Variants in ADAMTS9 observed in about 807,000 individuals in gnomAD.
ADAMTS9 encodes A disintegrin and metalloproteinase with thrombospondin motifs 9.
Under a neutral mutation model 257.1 loss-of-function variants are expected in ADAMTS9, and 107 were observed. The ratio of observed to expected loss-of-function variants is 0.42; its 90% CI spans 0.36 to 0.49. The LOEUF (loss-of-function observed/expected upper bound fraction) is 0.49, where lower values mean the gene tolerates loss of function less well. Ranked by LOEUF, ADAMTS9 falls within the 20% of genes least tolerant of loss-of-function variation. ADAMTS9 has a pLI of 0.03. For missense variants in ADAMTS9, 2,353 were observed against 2,469.1 expected, an observed-to-expected ratio of 0.95 and a Z score of 1.00; for synonymous variants, 982 against 880.9, an observed-to-expected ratio of 1.11 and a Z score of -2.03.
intron 11 of ADAMTS9, among the ~76,000 whole-genome samples, chr3:64,643,445 A>ATTTTTTTTTTTTTTGTTTT (rs1700707571): frequency 1.6e-5 from 1 of 61,406 alleles, no homozygotes; most frequent in Non-Finnish European, 2.9e-5. Flanking sequence ...TTACTCAATA[A>ATTTTTTTTTTTTTTGTTTT]TTTTTTTTTT....
chr3:64,608,415 C>T lies in ADAMTS9; in HGVS notation c.3355-1336G>A, dbSNP rs186700956. ...AAAATTGATAAACCTTTAGCTAGCA[C>T]GACTAAGAAAAAATGAGAAAAGACT... On this transcript the variant is annotated intron_variant, in intron 22 of 39. Transcript: ENST00000498707. Among the ~76,000 whole-genome samples the T allele has an allele frequency of 2.3e-3, 345 of 151,726 alleles. 4 individuals are homozygous for T. Among genetic ancestry groups the T allele is most frequent in the Non-Finnish European group, 3.3e-3 (227 of 67,854 alleles).
At chr3:64,674,380 T>C (rs148310700) in intron 3 of ADAMTS9, among the ~76,000 whole-genome samples, 3 of 152,326 alleles carry the variant, frequency 2.0e-5, no homozygotes, top group East Asian at 3.9e-4. Flanking sequence ...TAAAAATTCA[T>C]AATCAGTCTT....
rs773954306 is a variant in ADAMTS9, at chr3:64,607,081, T to C, written c.3355-2A>G. Reference sequence around the variant, plus strand: ...TCCCTGTCCACAAGTGACACTGCACTGGAAGAAGGAGGACAAAAGGTATAT... The same window carrying C: ...TCCCTGTCCACAAGTGACACTGCACCGGAAGAAGGAGGACAAAAGGTATAT... On this transcript the variant is annotated splice_acceptor_variant, in intron 22 of 39. Transcript: ENST00000498707. LOFTEE classifies it high-confidence loss of function. The C allele has an allele frequency of 6.2e-7, 1 of 1,613,570 alleles. No individual in the cohort carries two copies. The highest frequency in any genetic ancestry group is 2.2e-5 in the East Asian group (1 of 44,860).
intron 31 of ADAMTS9, among the ~76,000 whole-genome samples, chr3:64,549,206 G>T (rs1369365612): frequency 6.6e-6 from 1 of 152,138 alleles, no homozygotes; most frequent in Non-Finnish European, 1.5e-5. Flanking sequence ...TAAATTTGCA[G>T]ACTTTTCAAT....
Position 64,658,557 on chromosome 3 carries a change from A to G in ADAMTS9, c.914T>C (p.Met305Thr). 1 of 1,614,160 alleles carries G rather than the reference A, an allele frequency of 6.2e-7. No individual in the cohort carries two copies. Among genetic ancestry groups the G allele is most frequent in the Admixed American group, 1.7e-5 (1 of 60,022 alleles). ...AAGGTTTTCTCCATGGTATGAAACC[A>G]TTCTGTTGTCTGCCACCACCAAGAC... Reference protein sequence around the residue: ...VEVLVVADNRMVSYHGENLQH... With the variant: ...VEVLVVADNRTVSYHGENLQH... Residue 305 changes from methionine (M) to threonine (T), a missense_variant, in exon 4 of 40, where the codon ATG becomes ACG. Coordinates refer to ENST00000498707, the MANE Select transcript of ADAMTS9 (RefSeq NM_182920.2).
At chr3:64,676,338 G>A (rs1404162389) in intron 3 of ADAMTS9, among the ~76,000 whole-genome samples, 2 of 152,058 alleles carry the variant, frequency 1.3e-5, no homozygotes, top group Non-Finnish European at 2.9e-5. Context: ...CATTTTATCT[G>A]TATTTTCTGA....
intron 14 of ADAMTS9, among the ~76,000 whole-genome samples, chr3:64,632,879 C>T (rs1700403850): frequency 6.6e-6 from 1 of 151,904 alleles, no homozygotes; most frequent in Non-Finnish European, 1.5e-5. Flanking sequence ...ATCTCAGAGC[C>T]CAACCGGGTT....
intron 22 of ADAMTS9, among the ~76,000 whole-genome samples, chr3:64,610,892 C>T (rs2084653181): frequency 1.3e-5 from 2 of 151,564 alleles, no homozygotes; most frequent in Admixed American, 6.6e-5. Flanking sequence ...TTGGCTAACA[C>T]GGTGAAACCC....
chr3:64,576,523 TA>T lies in ADAMTS9; in HGVS notation c.4357-7989del, dbSNP rs1231499337. Among the ~76,000 whole-genome samples, 22 of 152,304 alleles carry T rather than the reference TA, an allele frequency of 1.4e-4. No homozygotes were observed. The East Asian group carries it at 4.3e-3, about 29-fold the overall frequency. ...TTGAGGAAAAATGGAGAGAAAGCTT[TA>T]CCAGGAAACAAGGGCTGTGACTTCA... On this transcript the variant is annotated intron_variant, in intron 28 of 39. Transcript: ENST00000498707.
chr3:64,658,863 C>A, intron 3 of ADAMTS9, 72 bp from the exon 4 acceptor site: 1 of 1,468,274 alleles, frequency 6.8e-7, no homozygotes, highest in African/African-American at 1.4e-5. Context: ...TAATTTGACA[C>A]ATTTTAAATT....
chr3:64,580,075 T>A (rs547754480), intron 28 of ADAMTS9, among the ~76,000 whole-genome samples: 1 of 152,280 alleles, frequency 6.6e-6, no homozygotes, highest in East Asian at 1.9e-4. Context: ...AGATGTCATC[T>A]TAGAGTGACA....
At chr3:64,542,721 C>T (rs1359130567) in intron 32 of ADAMTS9, among the ~76,000 whole-genome samples, 1 of 152,106 alleles carries the variant, frequency 6.6e-6, no homozygotes, top group African/African-American at 2.4e-5. Flanking sequence ...GAAGCAAGAA[C>T]AAACACATTC....
intron 3 of ADAMTS9, among the ~76,000 whole-genome samples, chr3:64,676,466 T>C (rs1279486523): frequency 6.6e-6 from 1 of 152,226 alleles, no homozygotes; most frequent in East Asian, 1.9e-4. Flanking sequence ...AATATTTTCA[T>C]GCCTTTACTT....
chr3:64,674,607 G>A (rs1419795314), intron 3 of ADAMTS9, among the ~76,000 whole-genome samples: 3 of 152,200 alleles, frequency 2.0e-5, no homozygotes, highest in African/African-American at 7.2e-5. Context: ...AAGGCTGAAA[G>A]GGTCTAAGAA....
chr3:64,658,515 G>T lies in ADAMTS9; in HGVS notation c.956C>A (p.Thr319Asn). 1 of 1,611,228 alleles carries T rather than the reference G, an allele frequency of 6.2e-7. No individual in the cohort carries two copies. Among genetic ancestry groups the T allele is most frequent in the South Asian group, 1.1e-5 (1 of 90,792 alleles). ...GAATGTACTTACAATTGACATTAAA[G>T]TTAAAATATAGTGTTGAAGGTTTTC... ...HGENLQHYIL[T>N]LMSIVASIYK... is the part of the protein sequence containing the mutation. Residue 319 changes from threonine to asparagine, a missense_variant, in exon 4 of 40, where the codon ACT (threonine) becomes AAT (asparagine). Coordinates refer to ENST00000498707, the MANE Select transcript of ADAMTS9 (RefSeq NM_182920.2).
intron 3 of ADAMTS9, among the ~76,000 whole-genome samples, chr3:64,661,855 A>T (rs1160119180): frequency 6.6e-6 from 1 of 152,130 alleles, no homozygotes; most frequent in Non-Finnish European, 1.5e-5. Context: ...TTGATTTATT[A>T]TAGTAAGTAA....
chr3:64,655,259 T>C (rs1559813489), intron 6 of ADAMTS9, among the ~76,000 whole-genome samples: 1 of 152,230 alleles, frequency 6.6e-6, no homozygotes, highest in African/African-American at 2.4e-5. Context: ...AACACATTTA[T>C]TCCTCACTTG....
intron 19 of ADAMTS9, among the ~76,000 whole-genome samples, chr3:64,620,470 C>G (rs1700077709): frequency 6.6e-6 from 1 of 152,158 alleles, no homozygotes; most frequent in African/African-American, 2.4e-5. Flanking sequence ...AACTGTCATG[C>G]AGAGTATAAA....
intron 30 of ADAMTS9, 38 bp downstream of exon 30, chr3:64,561,540 G>C (rs920575073): frequency 1.3e-6 from 2 of 1,592,574 alleles, no homozygotes. Context: ...GCGCACACGT[G>C]AAATGCCTGG....
Sources: allele counts gnomAD v4.1 joint callset (sites outside exome capture counted in the v4.1 genomes callset), GRCh38; gene constraint gnomAD v4.1.1; transcripts MANE v1.5; gene names NCBI Gene and HGNC (gene_info 2026-07-23, HGNC 2026-07-21).